Variants in SHISA9 observed in about 807,000 individuals in gnomAD.
SHISA9 encodes shisa family member 9.
Under a neutral mutation model 38.0 loss-of-function variants are expected in SHISA9, and 13 were observed. The ratio of observed to expected loss-of-function variants is 0.34; its 90% confidence interval spans 0.22 to 0.54. The LOEUF (loss-of-function observed/expected upper bound fraction) is 0.54, where lower values mean the gene tolerates loss of function less well. SHISA9 is among the 20% of genes least tolerant of loss of function. The pLI is 0.91. For synonymous variants in SHISA9, 275 were observed against 242.0 expected (o/e 1.14, Z -1.27); for missense variants, 538 against 575.8 (o/e 0.93, Z 0.67).
At chr16:13,015,903 T>TCC (rs2072746240) in intron 2 of SHISA9, among the ~76,000 whole-genome samples, 2 of 116,342 alleles carry the variant, frequency 1.7e-5, no homozygotes, top group African/African-American at 3.2e-5. Context: ...TCTTTCTTTC[T>TCC]TTCTTTTCTT....
At chr16:13,044,397 C>T (rs952083428) in intron 2 of SHISA9, among the ~76,000 whole-genome samples, 4 of 152,204 alleles carry the variant, frequency 2.6e-5, no homozygotes, top group Non-Finnish European at 5.9e-5. Context: ...TTGAACCTTT[C>T]TGAACCTCGG....
chr16:13,093,275 A>ATAG (rs1329524325), intron 2 of SHISA9, among the ~76,000 whole-genome samples: 2 of 152,204 alleles, frequency 1.3e-5, no homozygotes, highest in Non-Finnish European at 2.9e-5. Flanking sequence ...CCTGCCTGTC[A>ATAG]CTATAACTGT....
intron 2 of SHISA9, among the ~76,000 whole-genome samples, chr16:13,096,718 A>C (rs1376233717): frequency 6.6e-6 from 1 of 152,160 alleles, no homozygotes; most frequent in Non-Finnish European, 1.5e-5. Flanking sequence ...AACCTTTATT[A>C]GATGTAGACT....
At chr16:13,336,820 A>T in the SHISA9 span, among the ~76,000 whole-genome samples, 2 of 152,146 alleles carry the variant, frequency 1.3e-5, no homozygotes, top group Non-Finnish European at 2.9e-5. Context: ...TTCCTCACCT[A>T]TAACACCATC....
At chr16:13,227,542 C>A (rs535669371) in intron 4 of SHISA9, among the ~76,000 whole-genome samples, 2 of 152,274 alleles carry the variant, frequency 1.3e-5, no homozygotes, top group Admixed American at 6.5e-5. Context: ...TCAGGGATGA[C>A]AACCTTGGGC....
At chr16:13,003,702 A>T (rs1467482506) in intron 2 of SHISA9, among the ~76,000 whole-genome samples, 1 of 152,142 alleles carries the variant, frequency 6.6e-6, no homozygotes, top group Non-Finnish European at 1.5e-5. Flanking sequence ...TACTAAAAAT[A>T]CAAAGATTAG....
chr16:13,435,611 A>T, the SHISA9 span, among the ~76,000 whole-genome samples: 30 of 152,234 alleles, frequency 2.0e-4, no homozygotes, highest in African/African-American at 6.0e-4. Context: ...CTTGGCAAAA[A>T]CCTGAGGGGA....
Position 13,235,500 on chromosome 16 carries a change from A to AT in SHISA9, c.*91_*92insT. On this transcript the variant is annotated 3_prime_UTR_variant, in exon 5 of 5. Transcript: ENST00000558583. ...CACACCCTCCCCATCCTCCCCTAAT[A>AT]CATGCGTCCACACACTCACTCTCAA... The AT allele has an allele frequency of 7.4e-7, 1 of 1,352,662 alleles. No individual in the cohort carries two copies. Among genetic ancestry groups the AT allele is most frequent in the Non-Finnish European group, 9.8e-7 (1 of 1,017,332 alleles). 83.8% of individuals were successfully genotyped at this position (1,352,662 alleles called of 1,614,324 possible).
chr16:13,331,504 T>G, the SHISA9 span: 1 of 152,210 alleles, frequency 6.6e-6, no homozygotes, highest in Non-Finnish European at 1.5e-5. Flanking sequence ...ACATTATACA[T>G]AATACATTTT....
chr16:12,964,781 T>C (rs2141798254), intron 2 of SHISA9, among the ~76,000 whole-genome samples: 1 of 152,308 alleles, frequency 6.6e-6, no homozygotes, highest in South Asian at 2.1e-4. Flanking sequence ...ACTTAACCCC[T>C]GAGATTCTTG....
the SHISA9 span, among the ~76,000 whole-genome samples, chr16:13,495,868 C>A: frequency 3.9e-5 from 6 of 152,042 alleles, no homozygotes; most frequent in Admixed American, 3.3e-4. Context: ...AACACACAAA[C>A]CCTGCCCAGA....
the SHISA9 span, among the ~76,000 whole-genome samples, chr16:13,311,590 CT>C: frequency 6.6e-6 from 1 of 152,064 alleles, no homozygotes; most frequent in African/African-American, 2.4e-5. Flanking sequence ...AGAAGACTAC[CT>C]TTGTGGATTA....
At chr16:13,343,186 A>G in the SHISA9 span, among the ~76,000 whole-genome samples, 11 of 152,160 alleles carry the variant, frequency 7.2e-5, no homozygotes, top group Non-Finnish European at 8.8e-5. Context: ...AAACTGGAAA[A>G]CTTCAGATGA....
At chr16:13,414,691 C>T in the SHISA9 span, among the ~76,000 whole-genome samples, 1 of 144,596 alleles carries the variant, frequency 6.9e-6, no homozygotes, top group African/African-American at 2.6e-5. Context: ...CTTGCCCAGG[C>T]TGGAGTGCAG....
the SHISA9 span, among the ~76,000 whole-genome samples, chr16:13,325,893 C>T: frequency 1.5e-4 from 23 of 151,296 alleles, no homozygotes; most frequent in Non-Finnish European, 2.9e-4. Context: ...ACACCAGGGC[C>T]TCTCGGTGGG....
At position 13,164,077 on chromosome 16, in the gene SHISA9, G is replaced by A. The variant is rs537890029; in HGVS notation, c.692-39317G>A. Reference sequence around the variant, plus strand: ...CTTTTTTCTTGACTTTGGGGGATACGTGTTGGATCTCCCACTATTAAGTAT... The same window carrying A: ...CTTTTTTCTTGACTTTGGGGGATACATGTTGGATCTCCCACTATTAAGTAT... On this transcript the variant is annotated intron_variant, in intron 2 of 4. Transcript: ENST00000558583. Among the ~76,000 whole-genome samples, 404 of 152,124 alleles carry A rather than the reference G, an allele frequency of 2.7e-3. 2 individuals are homozygous for A. Among genetic ancestry groups the A allele is most frequent in the African/African-American group, 9.1e-3 (380 of 41,544 alleles).
chr16:13,107,873 G>C (rs901973383), intron 2 of SHISA9, among the ~76,000 whole-genome samples: 4 of 152,076 alleles, frequency 2.6e-5, no homozygotes, highest in African/African-American at 4.8e-5. Context: ...AATTTGAATG[G>C]GAAAGGAGGA....
chr16:13,247,063 G>T, the SHISA9 span, among the ~76,000 whole-genome samples: 1 of 151,776 alleles, frequency 6.6e-6, no homozygotes, highest in Non-Finnish European at 1.5e-5. Context: ...TGGCTGGGAG[G>T]CCTCAGGAAA....
At chr16:13,244,308 T>C (rs1305511340), downstream of SHISA9, among the ~76,000 whole-genome samples, 1 of 152,174 alleles carries the variant, frequency 6.6e-6, no homozygotes, top group East Asian at 1.9e-4. Flanking sequence ...ACAACACTGC[T>C]TTGAACTGCA....
Sources: gnomAD v4.1 joint callset for allele counts (sites outside exome capture counted in the v4.1 genomes callset) on GRCh38, gnomAD v4.1.1 for gene constraint, MANE v1.5 for transcripts, NCBI Gene and HGNC (gene_info 2026-07-23, HGNC 2026-07-21) for gene names.